The following PTK2 variants were observed in gnomAD, a reference collection of about 807,000 sequenced individuals.
The protein encoded by PTK2 is focal adhesion kinase 1.
PTK2 carries 45 observed loss-of-function variants against 150.1 expected under a neutral mutation model. The ratio of observed to expected loss-of-function variants is 0.30; its 90% CI spans 0.24 to 0.38. The LOEUF (loss-of-function observed/expected upper bound fraction) is 0.38. Ranked by LOEUF, PTK2 falls within the 10% of genes least tolerant of loss-of-function variation. The pLI, the probability that PTK2 is intolerant of heterozygous loss-of-function variation, is 1.00. For missense variants in PTK2, 919 were observed against 1,307.3 expected (o/e 0.70, Z 4.58); for synonymous variants, 432 against 449.2 (o/e 0.96, Z 0.48).
intron 28 of PTK2, 124 bp downstream of exon 31, chr8:140,675,336 G>C (rs1016047886): frequency 3.7e-5 from 37 of 999,198 alleles, no homozygotes; most frequent in Middle Eastern, 2.1e-4. Flanking sequence ...CATCGTACTT[G>C]CTGTGGTCTG....
intron 10 of PTK2, among the ~76,000 whole-genome samples, chr8:140,812,057 G>A (rs527708006): frequency 1.3e-5 from 2 of 152,126 alleles, no homozygotes; most frequent in South Asian, 4.2e-4. Flanking sequence ...ATTTAGGAAA[G>A]GCAGAGTAAG....
chr8:140,691,355 G>C (rs778753801), intron 26 of PTK2, among the ~76,000 whole-genome samples: 2 of 152,194 alleles, frequency 1.3e-5, no homozygotes. Context: ...GCTCAAGGCT[G>C]TCCTGATTTT....
intron 14 of PTK2, among the ~76,000 whole-genome samples, chr8:140,788,321 T>C (rs569145498): frequency 2.0e-5 from 3 of 152,228 alleles, no homozygotes; most frequent in African/African-American, 7.2e-5. Flanking sequence ...CTGCCAAGTG[T>C]ACAAATACAA....
intron 10 of PTK2, among the ~76,000 whole-genome samples, chr8:140,815,174 A>C (rs746484281): frequency 1.3e-5 from 2 of 152,046 alleles, no homozygotes; most frequent in Non-Finnish European, 2.9e-5. Context: ...TCGATGGTAG[A>C]CTGGATAAAG....
At chr8:140,836,314 C>T (rs1234681156) in intron 7 of PTK2, among the ~76,000 whole-genome samples, 1 of 152,112 alleles carries the variant, frequency 6.6e-6, no homozygotes, top group African/African-American at 2.4e-5. Context: ...TTACTGTATA[C>T]ACGTTTGTGT....
At chr8:140,933,512 A>T (rs1441904884) in intron 1 of PTK2, among the ~76,000 whole-genome samples, 1 of 152,248 alleles carries the variant, frequency 6.6e-6, no homozygotes, top group Non-Finnish European at 1.5e-5. Context: ...TAAATCCTAG[A>T]GCATTAGTAT....
At chr8:140,918,422 G>T (rs1396707580) in intron 2 of PTK2, among the ~76,000 whole-genome samples, 1 of 152,124 alleles carries the variant, frequency 6.6e-6, no homozygotes, top group Admixed American at 6.5e-5. Flanking sequence ...TGATAGTCTT[G>T]CAACCTAAAA....
rs141083905 is a variant in PTK2 at position 140,848,985 on chromosome 8, A to G, written c.451-2307T>C. On this transcript the variant is annotated intron_variant, in intron 5 of 31. Coordinates refer to ENST00000522684, the Ensembl canonical transcript of PTK2. ...TATTCACAGGTAGAAAAAATAATCA[A>G]ATGCTATATTTCATCATCAAAACCA... Among the ~76,000 whole-genome samples, 23 of 152,326 alleles carry G rather than the reference A, an allele frequency of 1.5e-4. No homozygotes were observed. In the East Asian group the frequency reaches 4.4e-3, roughly 29 times the overall value.
At chr8:140,945,032 T>C (rs2100177209) in intron 1 of PTK2, among the ~76,000 whole-genome samples, 1 of 152,160 alleles carries the variant, frequency 6.6e-6, no homozygotes, top group East Asian at 1.9e-4. Flanking sequence ...TCTCTCCAAT[T>C]TGGCCAAACA....
At chr8:140,899,681 C>T (rs1015500969) in intron 2 of PTK2, among the ~76,000 whole-genome samples, 2 of 152,034 alleles carry the variant, frequency 1.3e-5, no homozygotes, top group Non-Finnish European at 2.9e-5. Flanking sequence ...CACTGAGGAA[C>T]GTAAACACAA....
Position 140,905,155 on chromosome 8 carries a change from A to G in PTK2, c.-32-14386T>C, listed in dbSNP as rs191814098. On this transcript the variant is annotated intron_variant, in intron 2 of 31. Transcript: ENST00000522684. ...TAGTGCTATAAATTTCCCTCTAAAC[A>G]CTGCTTTAGCTGTGTCCCAGATTAA... 4.2e-3 allele frequency among the ~76,000 whole-genome samples: 642 copies of G among 152,210 alleles called. 3 individuals carry two copies. The highest frequency in any genetic ancestry group is 6.0e-3 in the Non-Finnish European group (409 of 68,016).
chr8:140,956,484 T>C (rs1272694811), intron 1 of PTK2, among the ~76,000 whole-genome samples: 1 of 152,378 alleles, frequency 6.6e-6, no homozygotes, highest in South Asian at 2.1e-4. Flanking sequence ...TAAACAATTA[T>C]GTTACTGGCT....
intron 29 of PTK2, chr8:140,669,301 G>GTGTATATATATATATATA (rs1554641612): frequency 1.2e-4 from 12 of 97,986 alleles, no homozygotes; most frequent in South Asian, 6.9e-4. Context: ...GCATAAAATG[G>GTGTATATATATATATATA]TATATATATA....
intron 20 of PTK2, among the ~76,000 whole-genome samples, chr8:140,739,430 A>T (rs1354501347): frequency 2.0e-5 from 3 of 152,078 alleles, no homozygotes; most frequent in Non-Finnish European, 4.4e-5. Flanking sequence ...AGATTTCACA[A>T]TTTACAGAAG....
At chr8:140,883,439 T>C (rs1007821187) in intron 3 of PTK2, among the ~76,000 whole-genome samples, 1 of 152,228 alleles carries the variant, frequency 6.6e-6, no homozygotes, top group Non-Finnish European at 1.5e-5. Context: ...AGAAGAGATA[T>C]CTGAAGCAAC....
At position 140,676,613 on chromosome 8, in the gene PTK2, C is replaced by T. The variant is rs1447344292; in HGVS notation, c.2563-1114G>A. Among the ~76,000 whole-genome samples, 5 of 88,158 alleles carry T rather than the reference C, an allele frequency of 5.7e-5. No individual in the cohort carries two copies. In the East Asian group the frequency reaches 1.1e-3, roughly 20 times the overall value. The allele number at this position is 88,158 out of a possible 152,430, so 57.8% of individuals were successfully genotyped here. ...GAAGAGTTGCCGCGGTCGGTGGGGG[C>T]GGGGGGAACAGCGTTAAGACATTAC... is the stretch of plus-strand genomic sequence containing the variant. On this transcript the variant is annotated intron_variant, in intron 27 of 31. Transcript: ENST00000522684.
intron 5 of PTK2, among the ~76,000 whole-genome samples, chr8:140,854,193 G>C (rs1395692879): frequency 6.6e-6 from 1 of 152,166 alleles, no homozygotes; most frequent in Non-Finnish European, 1.5e-5. Context: ...TCATTTAAAA[G>C]TTAATGGGTG....
At chr8:140,863,197 C>G (rs1253817813) in intron 5 of PTK2, among the ~76,000 whole-genome samples, 1 of 152,152 alleles carries the variant, frequency 6.6e-6, no homozygotes, top group Non-Finnish European at 1.5e-5. Flanking sequence ...TTTTCATATT[C>G]TGTTTTAGTT....
intron 5 of PTK2, among the ~76,000 whole-genome samples, chr8:140,852,954 G>A (rs902285644): frequency 6.6e-6 from 1 of 152,132 alleles, no homozygotes; most frequent in Admixed American, 6.5e-5. Flanking sequence ...ACCTGAAGAC[G>A]GCCACAATTT....
Sources: gnomAD v4.1 joint callset for allele counts (sites outside exome capture counted in the v4.1 genomes callset) on GRCh38, gnomAD v4.1.1 for gene constraint, MANE v1.5 for transcripts, NCBI Gene and HGNC (gene_info 2026-07-23, HGNC 2026-07-21) for gene names.